AGBL4: variants seen among roughly 807,000 people sequenced by gnomAD.
The protein encoded by AGBL4 is cytosolic carboxypeptidase 6.
In AGBL4, 58 loss-of-function variants were observed where a neutral mutation model predicts 66.4. That is an observed-to-expected ratio of 0.87 (90% CI 0.71 to 1.09). The LOEUF (loss-of-function observed/expected upper bound fraction) is 1.09. Ranked by LOEUF, AGBL4 falls within the 50% of genes least tolerant of loss-of-function variation. The probability of loss-of-function intolerance (pLI) is 0.00; values close to 1 mark genes in which losing one functional copy is unlikely to be tolerated. For missense variants in AGBL4, 579 were observed against 631.0 expected, an observed-to-expected ratio of 0.92 and a Z score of 0.88; for synonymous variants, 234 against 222.9, an observed-to-expected ratio of 1.05 and a Z score of -0.44.
At chr1:50,022,731 T>A (rs923719401) in intron 1 of AGBL4, among the ~76,000 whole-genome samples, 1 of 151,954 alleles carries the variant, frequency 6.6e-6, no homozygotes, top group Admixed American at 6.6e-5. Context: ...TATACAAGGT[T>A]ATGTATACCA....
In AGBL4 at chr1:49,088,424, GA is replaced by G. The variant is rs570681620; in HGVS notation, c.378-42625del. ...AAATCTATCAAGCAAACAGAAAACAGAAAAAAGCAGGAGGTGCTATTCTAAT... is the reference window on the plus strand; with the variant it reads ...AAATCTATCAAGCAAACAGAAAACAGAAAAAGCAGGAGGTGCTATTCTAAT... On this transcript the variant is annotated intron_variant, in intron 4 of 13. Coordinates refer to ENST00000371839, the MANE Select transcript of AGBL4 (RefSeq NM_032785.4). 9.2e-5 allele frequency among the ~76,000 whole-genome samples: 14 copies of G among 152,016 alleles called. No individual in the cohort carries two copies. The South Asian group carries it at 2.9e-3, about 32-fold the overall frequency.
chr1:49,217,838 T>G (rs1310757493), intron 4 of AGBL4, among the ~76,000 whole-genome samples: 2 of 152,132 alleles, frequency 1.3e-5, no homozygotes, highest in African/African-American at 4.8e-5. Flanking sequence ...AACCTATTCA[T>G]CTGTTGATGA....
intron 3 of AGBL4, among the ~76,000 whole-genome samples, chr1:49,556,216 C>A (rs1246113324): frequency 6.6e-6 from 1 of 152,082 alleles, no homozygotes; most frequent in Non-Finnish European, 1.5e-5. Flanking sequence ...ATGATGAGTT[C>A]ATGTCCTTTG....
At chr1:49,633,994 T>G (rs948558796) in intron 3 of AGBL4, among the ~76,000 whole-genome samples, 2 of 150,954 alleles carry the variant, frequency 1.3e-5, no homozygotes, top group African/African-American at 4.9e-5. Flanking sequence ...ATTCAAAATA[T>G]TATTTCAACA....
At chr1:49,205,944 G>T (rs1648096586) in intron 4 of AGBL4, among the ~76,000 whole-genome samples, 1 of 152,010 alleles carries the variant, frequency 6.6e-6, no homozygotes, top group South Asian at 2.1e-4. Context: ...CCTAATCTTT[G>T]CTCTGATTTA....
intron 3 of AGBL4, among the ~76,000 whole-genome samples, chr1:49,325,220 T>G (rs905917414): frequency 2.0e-5 from 3 of 152,144 alleles, no homozygotes; most frequent in Non-Finnish European, 4.4e-5. Flanking sequence ...AGAGACGGGT[T>G]TTCACCATGT....
chr1:49,536,498 T>C (rs1651598489), intron 3 of AGBL4, among the ~76,000 whole-genome samples: 2 of 152,174 alleles, frequency 1.3e-5, no homozygotes, highest in Non-Finnish European at 2.9e-5. Flanking sequence ...ACAAATTCAA[T>C]GTCAATCCTA....
chr1:49,899,004 G>A (rs1040100139), intron 1 of AGBL4, among the ~76,000 whole-genome samples: 1 of 152,046 alleles, frequency 6.6e-6, no homozygotes, highest in Non-Finnish European at 1.5e-5. Flanking sequence ...AGAGGAAGTG[G>A]GGATGGTTAG....
intron 3 of AGBL4, among the ~76,000 whole-genome samples, chr1:49,306,468 A>G (rs976690950): frequency 5.9e-5 from 9 of 152,102 alleles, no homozygotes; most frequent in African/African-American, 1.9e-4. Flanking sequence ...CTTTCTCTTC[A>G]ATAAGGTTTT....
At chr1:48,972,808 A>G (rs1441135715) in intron 5 of AGBL4, among the ~76,000 whole-genome samples, 2 of 152,334 alleles carry the variant, frequency 1.3e-5, no homozygotes, top group Middle Eastern at 3.4e-3. Flanking sequence ...GGGATAAAAA[A>G]TACATTCTAG....
intron 4 of AGBL4, among the ~76,000 whole-genome samples, chr1:49,230,500 C>A (rs1408095291): frequency 6.6e-6 from 1 of 152,196 alleles, no homozygotes; most frequent in African/African-American, 2.4e-5. Context: ...ATCCTCCCCA[C>A]ATTTAGTGTC....
chr1:49,174,621 G>A (rs1305031473), intron 4 of AGBL4, among the ~76,000 whole-genome samples: 1 of 152,092 alleles, frequency 6.6e-6, no homozygotes, highest in Non-Finnish European at 1.5e-5. Context: ...GCTCCTCCAT[G>A]TTGTTCAATC....
At chr1:49,952,534 C>G (rs1039442154) in intron 1 of AGBL4, among the ~76,000 whole-genome samples, 2 of 151,784 alleles carry the variant, frequency 1.3e-5, no homozygotes, top group African/African-American at 4.8e-5. Context: ...AATTCTCATC[C>G]CCACTTTAAA....
intron 5 of AGBL4, among the ~76,000 whole-genome samples, chr1:48,974,240 T>G (rs377586968): frequency 6.6e-6 from 1 of 152,064 alleles, no homozygotes; most frequent in Admixed American, 6.6e-5. Flanking sequence ...AGAGAGAGCT[T>G]GAGCCAAGTA....
chr1:48,990,309 G>C (rs532830232), intron 5 of AGBL4, among the ~76,000 whole-genome samples: 2 of 151,792 alleles, frequency 1.3e-5, no homozygotes, highest in African/African-American at 2.4e-5. Context: ...TGAATGGTTT[G>C]CAAATATTTT....
intron 4 of AGBL4, among the ~76,000 whole-genome samples, chr1:49,231,448 C>T (rs1376599270): frequency 6.6e-6 from 1 of 152,114 alleles, no homozygotes; most frequent in Non-Finnish European, 1.5e-5. Context: ...ATCTTGGAGA[C>T]CCTGGGGGAC....
chr1:49,551,913 G>C (rs568834939), intron 3 of AGBL4, among the ~76,000 whole-genome samples: 316 of 152,298 alleles, frequency 2.1e-3, no homozygotes, highest in African/African-American at 7.2e-3. Flanking sequence ...AGGACCATCA[G>C]GTGGAGGCAC....
At chr1:49,627,697 C>T (rs1645491196) in intron 3 of AGBL4, among the ~76,000 whole-genome samples, 1 of 152,084 alleles carries the variant, frequency 6.6e-6, no homozygotes, top group South Asian at 2.1e-4. Context: ...TTTTTGCTTT[C>T]AGCAACATAC....
chr1:49,442,608 G>A (rs1026490725), intron 3 of AGBL4, among the ~76,000 whole-genome samples: 3 of 152,150 alleles, frequency 2.0e-5, no homozygotes, highest in Non-Finnish European at 2.9e-5. Context: ...TGTCTGAATA[G>A]TATTCCATTG....
Sources: gnomAD v4.1 joint callset for allele counts (sites outside exome capture counted in the v4.1 genomes callset) on GRCh38, gnomAD v4.1.1 for gene constraint, MANE v1.5 for transcripts, NCBI Gene and HGNC (gene_info 2026-07-23, HGNC 2026-07-21) for gene names.